The following PROCR variants were observed in gnomAD, a reference collection of about 807,000 sequenced individuals.
The protein encoded by PROCR is protein C receptor, also known as endothelial protein C receptor.
In PROCR, 22 loss-of-function variants were observed where a neutral mutation model predicts 24.2. The ratio of observed to expected loss-of-function variants is 0.91; its 90% confidence interval spans 0.65 to 1.30. The LOEUF is 1.30. Among genes scored for constraint, PROCR ranks in the 50% most tolerant of loss-of-function variants. The pLI is 0.00. For missense variants in PROCR, 288 were observed against 307.7 expected (o/e 0.94, Z 0.48); for synonymous variants, 137 against 139.2 (o/e 0.98, Z 0.11).
intron 1 of PROCR, among the ~76,000 whole-genome samples, chr20:35,197,983 A>C (rs537666726): frequency 2.0e-5 from 3 of 151,338 alleles, no homozygotes; most frequent in South Asian, 2.1e-4. Context: ...TGCAAAGTAA[A>C]AGTTCTCAAA....
intron 1 of PROCR, among the ~76,000 whole-genome samples, chr20:35,192,718 T>C (rs1001865316): frequency 6.6e-6 from 1 of 152,046 alleles, no homozygotes; most frequent in Non-Finnish European, 1.5e-5. Flanking sequence ...TTTTACTGTC[T>C]GCTCTTTCTA....
At chr20:35,207,165 A>G (rs1490884186) in intron 1 of PROCR, among the ~76,000 whole-genome samples, 1 of 152,180 alleles carries the variant, frequency 6.6e-6, no homozygotes, top group Non-Finnish European at 1.5e-5. Context: ...AGAACATATC[A>G]GTGTTGCCAG....
intron 1 of PROCR, among the ~76,000 whole-genome samples, chr20:35,187,771 C>T (rs2086140696): frequency 6.6e-6 from 1 of 152,138 alleles, no homozygotes; most frequent in Admixed American, 6.5e-5. Flanking sequence ...TAAGTCAGTG[C>T]CCCTCTCTGA....
rs1318840961 is a variant in PROCR at position 35,176,902 on chromosome 20, G to A, written c.*89G>A. ...CACTGTGAAGCCAGACTCCCCAACT[G>A]AAACACCAGAAGGTTTGGAGTGACA... On this transcript the variant is annotated 3_prime_UTR_variant, in exon 4 of 4. Coordinates refer to ENST00000216968, the MANE Select transcript of PROCR (RefSeq NM_006404.5). 10 of 1,553,996 alleles carry A rather than the reference G, an allele frequency of 6.4e-6. No individual in the cohort carries two copies. Among genetic ancestry groups the A allele is most frequent in the South Asian group, 2.4e-5 (2 of 84,294 alleles).
chr20:35,192,267 T>C (rs913702252), intron 1 of PROCR, among the ~76,000 whole-genome samples: 3 of 152,158 alleles, frequency 2.0e-5, no homozygotes, highest in African/African-American at 7.2e-5. Context: ...ATATACAAGA[T>C]TAGTCATAGC....
intron 2 of PROCR, 31 bp from the exon 3 acceptor site, chr20:35,176,137 C>T (rs1277944003): frequency 6.2e-7 from 1 of 1,604,054 alleles, no homozygotes; most frequent in Non-Finnish European, 8.5e-7. Context: ...CCTCTCTGCA[C>T]AGTCCCCTGA....
intron 1 of PROCR, among the ~76,000 whole-genome samples, chr20:35,188,065 C>T (rs1373565066): frequency 3.3e-5 from 5 of 152,310 alleles, no homozygotes; most frequent in Admixed American, 2.6e-4. Context: ...GGTGGCTTGG[C>T]TTACTGGATT....
At chr20:35,211,600 T>C (rs1428514350) in intron 1 of PROCR, among the ~76,000 whole-genome samples, 5 of 152,020 alleles carry the variant, frequency 3.3e-5, no homozygotes, top group Non-Finnish European at 4.4e-5. Flanking sequence ...TTCTCTCAAC[T>C]CCCATGTGCT....
chr20:35,179,169 C>T (rs973052407), downstream of PROCR, among the ~76,000 whole-genome samples: 1 of 141,376 alleles, frequency 7.1e-6, no homozygotes, highest in African/African-American at 2.7e-5. Flanking sequence ...GGAGGCAGAG[C>T]TTGCAGTGAG....
chr20:35,205,785 A>ATATATATATATATATG (rs2060338358), intron 1 of PROCR, among the ~76,000 whole-genome samples: 1 of 134,220 alleles, frequency 7.5e-6, no homozygotes, highest in African/African-American at 2.8e-5. Flanking sequence ...ATATATATAT[A>ATATATATATATATATG]TATGTATATA....
At chr20:35,215,766 G>C in intron 1 of PROCR, 1 of 588,626 alleles carries the variant, frequency 1.7e-6, no homozygotes, top group Non-Finnish European at 2.1e-6. Context: ...TTTGATGTAG[G>C]TAAATTGCTT....
Position 35,176,415 on chromosome 20 carries a change from G to A in PROCR, c.570G>A (p.Val190=). The A allele has an allele frequency of 6.2e-7, 1 of 1,614,136 alleles. No homozygotes were observed. The highest frequency in any genetic ancestry group is 8.5e-7 in the Non-Finnish European group (1 of 1,180,000). The change falls in exon 3 of 4, where the codon GTG becomes GTA. Residue 190 remains valine (V), a synonymous_variant. Transcript: ENST00000216968. ...EFLEDTCVQY[V]QKHISAENTK... is the part of the protein sequence containing the mutation. The stretch of plus-strand genomic sequence containing the variant: ...TGGAGGACACCTGTGTGCAGTATGT[G>A]CAGAAACATATTTCCGCGGAAAACA...
chr20:35,213,382 T>C (rs531693764), intron 1 of PROCR, among the ~76,000 whole-genome samples: 1 of 152,316 alleles, frequency 6.6e-6, no homozygotes, highest in South Asian at 2.1e-4. Flanking sequence ...GCCCATTTAG[T>C]CCTTCGCCAT....
intron 1 of PROCR, among the ~76,000 whole-genome samples, chr20:35,205,501 C>T (rs2060334916): frequency 6.7e-6 from 1 of 149,800 alleles, no homozygotes; most frequent in South Asian, 2.1e-4. Context: ...CCTATAATCC[C>T]AGCACTTTGG....
chr20:35,178,646 G>C (rs1167255530), downstream of PROCR, among the ~76,000 whole-genome samples: 2 of 123,092 alleles, frequency 1.6e-5, no homozygotes, highest in East Asian at 5.3e-4. Context: ...CTCCCAAGTA[G>C]CTGGGACTAC....
intron 1 of PROCR, among the ~76,000 whole-genome samples, chr20:35,207,691 G>C (rs1487845187): frequency 2.0e-5 from 3 of 151,942 alleles, no homozygotes; most frequent in African/African-American, 4.8e-5. Context: ...CACCACACCT[G>C]GCTAATTTTC....
chr20:35,173,609 T>C (rs2085974353), intron 1 of PROCR, among the ~76,000 whole-genome samples: 1 of 151,920 alleles, frequency 6.6e-6, no homozygotes, highest in Non-Finnish European at 1.5e-5. Context: ...TTTGTATTTT[T>C]AGTACAGATG....
chr20:35,180,075 G>C (rs1309552915), downstream of PROCR, among the ~76,000 whole-genome samples: 1 of 151,982 alleles, frequency 6.6e-6, no homozygotes, highest in African/African-American at 2.4e-5. Flanking sequence ...GCGAAACCCT[G>C]TCTCTACTAA....
chr20:35,215,100 G>A (rs2060377128), intron 1 of PROCR, among the ~76,000 whole-genome samples: 1 of 151,938 alleles, frequency 6.6e-6, no homozygotes, highest in Non-Finnish European at 1.5e-5. Context: ...GTAGAAACGG[G>A]GTTTCACCCA....
Sources: allele counts gnomAD v4.1 joint callset (sites outside exome capture counted in the v4.1 genomes callset), GRCh38; gene constraint gnomAD v4.1.1; transcripts MANE v1.5; gene names NCBI Gene and HGNC (gene_info 2026-07-23, HGNC 2026-07-21).